Variants in ZNF512B observed in about 807,000 individuals in gnomAD.
ZNF512B encodes zinc finger protein 512B.
Under a neutral mutation model 87.8 loss-of-function variants are expected in ZNF512B, and 22 were observed. That is an observed-to-expected ratio of 0.25 (90% confidence interval 0.18 to 0.36). ZNF512B has a LOEUF of 0.36. Among genes scored for constraint, ZNF512B ranks in the 10% least tolerant of loss-of-function variants. The pLI, the probability that ZNF512B is intolerant of heterozygous loss-of-function variation, is 1.00. For synonymous variants in ZNF512B, 524 were observed against 490.9 expected (o/e 1.07, Z -0.89); for missense variants, 1,060 against 1,231.6 (o/e 0.86, Z 2.09).
Position 63,961,538 on chromosome 20 carries a change from G to T in ZNF512B, c.2329-131C>A. Reference sequence around the variant, plus strand: ...GCTGTGGCTGTCTGTGCCAGACAATGCAGGGGGCCACTGAGTTACCAGGGC... The same window carrying T: ...GCTGTGGCTGTCTGTGCCAGACAATTCAGGGGGCCACTGAGTTACCAGGGC... On this transcript the variant is annotated intron_variant, in intron 15 of 16. Transcript: ENST00000369888. This position sits in a 1 kb window ranked among gnomAD's most constrained non-coding sequence, Gnocchi z 6.4. The T allele has an allele frequency of 1.2e-6, 1 of 847,498 alleles. No individual in the cohort carries two copies. Among genetic ancestry groups the T allele is most frequent in the Non-Finnish European group, 1.9e-6 (1 of 526,820 alleles). 52.5% of individuals were successfully genotyped at this position (847,498 alleles called of 1,614,324 possible). A position where few individuals can be genotyped will look rare whatever the true frequency, so the allele number is the denominator to read the frequency against.
At position 63,966,434 on chromosome 20, in the gene ZNF512B, G is replaced by A. The variant is rs142867495; in HGVS notation, c.741C>T (p.Pro247=). 98 of 1,613,498 alleles carry A rather than the reference G, an allele frequency of 6.1e-5. 1 individual carries two copies. In the African/African-American group the frequency reaches 8.8e-4, roughly 15 times the overall value. ...TKPVTVSRPM[P]VTKAMPVTKP... ...TGGTGACCGGCATGGCCTTGGTGAC[G>A]GGCATGGGCCTGCTGACTGTGACAG... Residue 247 remains proline, a synonymous_variant, in exon 5 of 17, where the codon CCC becomes CCT. Transcript: ENST00000369888.
In ZNF512B at chr20:63,959,870, A is replaced by C; in HGVS notation, c.*18T>G. 6.5e-7 allele frequency: 1 copy of C among 1,545,150 alleles called. No homozygotes were observed. The highest frequency in any genetic ancestry group is 1.2e-5 in the South Asian group (1 of 80,780). The stretch of plus-strand genomic sequence containing the variant: ...GCGGTGTGGCGGCTGCATGGGGGCC[A>C]GGCCCCACGCACCATGCTCACTTTT... On this transcript the variant is annotated 3_prime_UTR_variant, in exon 17 of 17. Coordinates refer to ENST00000369888, the MANE Select transcript of ZNF512B (RefSeq NM_020713.3).
rs1453659597 is a variant in ZNF512B at position 63,966,013 on chromosome 20, C to T, written c.1034+128G>A. 5.9e-5 allele frequency: 75 copies of T among 1,261,466 alleles called. 1 individual carries two copies. The highest frequency in any genetic ancestry group is 9.0e-5 in the African/African-American group (3 of 33,382). 78.1% of individuals were successfully genotyped at this position (1,261,466 alleles called of 1,614,324 possible). ...TGGGACGAGCCCCCATACCTTTTCTCACCACTGTTCCCCGACCTGGGACGA... is the reference window on the plus strand; with the variant it reads ...TGGGACGAGCCCCCATACCTTTTCTTACCACTGTTCCCCGACCTGGGACGA... On this transcript the variant is annotated intron_variant, in intron 5 of 16. Coordinates refer to ENST00000369888, the MANE Select transcript of ZNF512B (RefSeq NM_020713.3).
At chr20:63,967,761 C>T in intron 2 of ZNF512B, 69 bp downstream of exon 2, 3 of 1,572,396 alleles carry the variant, frequency 1.9e-6, no homozygotes, top group African/African-American at 1.3e-5. Context: ...ACGCCCAGGG[C>T]AATGGTCCAC....
At chr20:63,969,597 G>A (rs890763780) in intron 1 of ZNF512B, among the ~76,000 whole-genome samples, 2 of 147,750 alleles carry the variant, frequency 1.4e-5, no homozygotes, top group African/African-American at 2.5e-5. Flanking sequence ...CGCGGGGTGG[G>A]GGGGCGAAGG....
chr20:63,962,240 C>T (rs748511275), intron 14 of ZNF512B, 33 bp downstream of exon 14: 7 of 1,570,914 alleles, frequency 4.5e-6, no homozygotes, highest in Non-Finnish European at 6.0e-6. Flanking sequence ...CTGTATGGCT[C>T]CCCACGCCCC....
At position 63,964,119 on chromosome 20, in the gene ZNF512B, T is replaced by A. The variant is rs1422348058; in HGVS notation, c.1432A>T (p.Ile478Phe). 2 of 1,608,232 alleles carry A rather than the reference T, an allele frequency of 1.2e-6. No individual in the cohort carries two copies. The highest frequency in any genetic ancestry group is 2.2e-5 in the South Asian group (2 of 90,412). ...DARKKVPAAP[I>F]TVSKEAPAPV... Reference sequence around the variant, plus strand: ...GCCGGTGCCTCCTTGCTGACAGTGATGGGGGCAGCTGGCACCTTCTTCCGG... The same window carrying A: ...GCCGGTGCCTCCTTGCTGACAGTGAAGGGGGCAGCTGGCACCTTCTTCCGG... The change falls in exon 8 of 17, where the codon ATC becomes TTC. Residue 478 changes from isoleucine to phenylalanine, a missense_variant. By Grantham distance (21) the Ile-to-Phe change is conservative. Transcript: ENST00000369888.
Position 63,963,107 on chromosome 20 carries a change from C to T in ZNF512B, c.1956G>A (p.Glu652=). 1 of 1,558,688 alleles carries T rather than the reference C, an allele frequency of 6.4e-7. No homozygotes were observed. The highest frequency in any genetic ancestry group is 8.6e-7 in the Non-Finnish European group (1 of 1,159,294). ...GAGAGCCACTCACGGGGGCCGTGTGCTCCGAGCGCACGTGGTAGTCGTGGC... is the reference window on the plus strand; with the variant it reads ...GAGAGCCACTCACGGGGGCCGTGTGTTCCGAGCGCACGTGGTAGTCGTGGC... ...KAGHDYHVRS[E]HTAPPPEEPT... Residue 652 remains glutamate (E), a synonymous_variant, in exon 12 of 17, where the codon GAG becomes GAA. Transcript: ENST00000369888.
Position 63,966,601 on chromosome 20 carries a change from T to C in ZNF512B, c.574A>G (p.Ile192Val), listed in dbSNP as rs1213177119. The C allele has an allele frequency of 3.7e-6, 6 of 1,613,622 alleles. No homozygotes were observed. The highest frequency in any genetic ancestry group is 5.1e-6 in the Non-Finnish European group (6 of 1,179,960). Reference sequence around the variant, plus strand: ...ATAGTGACAGGTTTGCTCACTCCGATGGGCTTGCTGACCCCAACAGGCCGG... The same window carrying C: ...ATAGTGACAGGTTTGCTCACTCCGACGGGCTTGCTGACCCCAACAGGCCGG... ...ISRPVGVSKP[I>V]GVSKPVTIGK... The change falls in exon 5 of 17, where the codon ATC (isoleucine) becomes GTC (valine). Residue 192 changes from isoleucine (I) to valine (V), a missense_variant. Transcript: ENST00000369888.
rs1028346950 is a variant in ZNF512B, at chr20:63,958,835, T to TA, written c.*1052dup. The TA allele has an allele frequency of 1.1e-4, 17 of 148,560 alleles. No homozygotes were observed. The highest frequency in any genetic ancestry group is 2.1e-4 in the South Asian group (1 of 4,716). 9.2% of individuals were successfully genotyped at this position (148,560 alleles called of 1,614,324 possible). On this transcript the variant is annotated 3_prime_UTR_variant, in exon 17 of 17. Coordinates refer to ENST00000369888, the MANE Select transcript of ZNF512B (RefSeq NM_020713.3). ...ACAACCAGAAACAATGGGGGCAGGT[T>TA]AAAAAAAAAAGTGGGGAGGGGGCTC... is the stretch of plus-strand genomic sequence containing the variant.
In ZNF512B at chr20:63,964,980, C is replaced by T. The variant is rs544690494; in HGVS notation, c.1035-264G>A. On this transcript the variant is annotated intron_variant, in intron 5 of 16. Coordinates refer to ENST00000369888, the MANE Select transcript of ZNF512B (RefSeq NM_020713.3). ...CTCACCACTGTTCCCCGACCTGGGA[C>T]GAGCCCCCATACCTTTTCTCACCAC... 2.0e-3 allele frequency among the ~76,000 whole-genome samples: 73 copies of T among 35,944 alleles called. 7 individuals carry two copies. The highest frequency in any genetic ancestry group is 0.015 in the African/African-American group (67 of 4,550). 23.6% of individuals were successfully genotyped at this position (35,944 alleles called of 152,430 possible).
In ZNF512B at chr20:63,960,112, G is replaced by T. The variant is rs1331701970; in HGVS notation, c.2455C>A (p.Pro819Thr). 1 of 1,613,926 alleles carries T rather than the reference G, an allele frequency of 6.2e-7. No homozygotes were observed. Among genetic ancestry groups the T allele is most frequent in the African/African-American group, 1.3e-5 (1 of 75,068 alleles). The stretch of plus-strand genomic sequence containing the variant: ...GAGTCCTGGCTCCTGTGTTTGGGAG[G>T]TGGGTCTGCTGATGTTCGGAACCAG... ...ENWFRTSADP[P>T]PKHRSQDSLV... Residue 819 changes from proline to threonine, a missense_variant, in exon 17 of 17, where the codon CCT (proline) becomes ACT (threonine). This residue lies in a region of ZNF512B where 253 missense variants were observed against 259.2 expected (regional missense o/e 0.98). Coordinates refer to ENST00000369888, the MANE Select transcript of ZNF512B (RefSeq NM_020713.3).
In ZNF512B at chr20:63,966,339, G is replaced by A; in HGVS notation, c.836C>T (p.Thr279Ile). Residue 279 changes from threonine to isoleucine, a missense_variant, in exon 5 of 17, where the codon ACA (threonine) becomes ATA (isoleucine). Coordinates refer to ENST00000369888, the MANE Select transcript of ZNF512B (RefSeq NM_020713.3). ...PVPVTKPITVTKLVTVTKPVP... is the reference protein window; with the variant it reads ...PVPVTKPITVIKLVTVTKPVP... The stretch of plus-strand genomic sequence containing the variant: ...GGGTTTCGTAACTGTCACAAGCTTT[G>A]TTACCGTAATGGGTTTGGTGACAGG... The A allele has an allele frequency of 6.3e-7, 1 of 1,595,030 alleles. No individual in the cohort carries two copies. Among genetic ancestry groups the A allele is most frequent in the Non-Finnish European group, 8.6e-7 (1 of 1,166,640 alleles).
At position 63,966,826 on chromosome 20, in the gene ZNF512B, T is replaced by C. The variant is rs745693233; in HGVS notation, c.394-45A>G. 3.1e-6 allele frequency: 5 copies of C among 1,609,850 alleles called. No individual in the cohort carries two copies. In the Admixed American group the frequency reaches 8.4e-5, roughly 27 times the overall value. On this transcript the variant is annotated intron_variant, in intron 4 of 16. Transcript: ENST00000369888. The stretch of plus-strand genomic sequence containing the variant: ...TTTGGGACAGGGCCCCAAGGGCCTC[T>C]GCCCAAACACACCCCGAGGCCTCCT...
chr20:63,961,699 T>A lies in ZNF512B; in HGVS notation c.2328+243A>T, dbSNP rs879034421. On this transcript the variant is annotated intron_variant, in intron 15 of 16. Coordinates refer to ENST00000369888, the MANE Select transcript of ZNF512B (RefSeq NM_020713.3). This position sits in a 1 kb window ranked among gnomAD's most constrained non-coding sequence, Gnocchi z 6.4. ...GTCGGGGTGCCCACCCATGCCTACA[T>A]GGACGCAGAGCTCCAAGGACAGGAC... Among the ~76,000 whole-genome samples, 4 of 152,160 alleles carry A rather than the reference T, an allele frequency of 2.6e-5. No individual in the cohort carries two copies. Among genetic ancestry groups the A allele is most frequent in the African/African-American group, 9.7e-5 (4 of 41,436 alleles).
At chr20:63,969,187 C>T (rs2058955997) in intron 1 of ZNF512B, 4 of 985,458 alleles carry the variant, frequency 4.1e-6, no homozygotes, top group African/African-American at 3.5e-5. Context: ...CTGATGACCC[C>T]GGTGGCCTGG....
chr20:63,960,177 G>C (rs774687297), intron 16 of ZNF512B, 38 bp from the exon 17 acceptor site: 9 of 1,608,706 alleles, frequency 5.6e-6, no homozygotes, highest in East Asian at 2.2e-5. Context: ...CCTGGGACTG[G>C]ATGCTGAGCA....
At position 63,959,788 on chromosome 20, in the gene ZNF512B, G is replaced by A; in HGVS notation, c.*100C>T. 8.3e-6 allele frequency: 12 copies of A among 1,437,496 alleles called. 1 individual carries two copies. The highest frequency in any genetic ancestry group is 1.1e-5 in the Non-Finnish European group (12 of 1,092,446). The allele number at this position is 1,437,496 out of a possible 1,614,324, so 89.0% of individuals were successfully genotyped here. A position where few individuals can be genotyped will look rare whatever the true frequency, so the allele number is the denominator to read the frequency against. On this transcript the variant is annotated 3_prime_UTR_variant, in exon 17 of 17. Coordinates refer to ENST00000369888, the MANE Select transcript of ZNF512B (RefSeq NM_020713.3). ...ACTGGACGGATGAAGAGGCGGGGGT[G>A]GGGGATGGAGAACTGGAGGACAGAG...
chr20:63,957,856 G>T lies in ZNF512B; in HGVS notation c.*2032C>A, dbSNP rs2058783073. ...TCCCCTCCCCTCCCCTCATGAGGCTGCCCCAGCAGCAGCTGCCAGACCCCA... is the reference window on the plus strand; with the variant it reads ...TCCCCTCCCCTCCCCTCATGAGGCTTCCCCAGCAGCAGCTGCCAGACCCCA... On this transcript the variant is annotated 3_prime_UTR_variant, in exon 17 of 17. Transcript: ENST00000369888. 1 of 145,794 alleles carries T rather than the reference G, an allele frequency of 6.9e-6. No individual in the cohort carries two copies. The highest frequency in any genetic ancestry group is 7.0e-5 in the Admixed American group (1 of 14,276). 9.0% of individuals were successfully genotyped at this position (145,794 alleles called of 1,614,324 possible). A position where few individuals can be genotyped will look rare whatever the true frequency, so the allele number is the denominator to read the frequency against.
Sources: gnomAD v4.1 joint callset for allele counts (sites outside exome capture counted in the v4.1 genomes callset) on GRCh38, gnomAD v4.1.1 for gene constraint, gnomAD v4.1.1 regional missense constraint, Gnocchi (gnomAD v3.1) non-coding constraint, MANE v1.5 for transcripts, NCBI Gene and HGNC (gene_info 2026-07-23, HGNC 2026-07-21) for gene names.